The following EYS variants were observed in gnomAD, a reference collection of about 807,000 sequenced individuals.
EYS encodes EGF-like photoreceptor maintenance factor, also known as protein eyes shut homolog.
In EYS, 250 loss-of-function variants were observed where a neutral mutation model predicts 282.1. The observed-to-expected ratio is 0.89, with a 90% CI of 0.80 to 0.98. The LOEUF is 0.98. Ranked by LOEUF, EYS falls within the 50% of genes least tolerant of loss-of-function variation. The pLI, the probability that EYS is intolerant of heterozygous loss-of-function variation, is 0.00. For missense variants in EYS, 4,016 were observed against 3,709.0 expected (o/e 1.08, Z -2.15); for synonymous variants, 1,355 against 1,282.9 (o/e 1.06, Z -1.20).
intron 33 of EYS, among the ~76,000 whole-genome samples, chr6:64,056,888 T>C (rs182470291): frequency 5.9e-5 from 9 of 152,324 alleles, no homozygotes; most frequent in Admixed American, 2.0e-4. Flanking sequence ...TAGGGCTTTG[T>C]CCTGCAATCT....
rs188575531 is a variant in EYS at position 64,376,859 on chromosome 6, A to C, written c.6078+11831T>G. 3.0e-3 allele frequency among the ~76,000 whole-genome samples: 454 copies of C among 152,256 alleles called. 3 individuals are homozygous for C. The highest frequency in any genetic ancestry group is 3.6e-3 in the Non-Finnish European group (245 of 68,010). ...CTTCCTTTCCTATATTTTCTATCTC[A>C]GGATAGGTTTCCTCAGCTACATAAT... On this transcript the variant is annotated intron_variant, in intron 29 of 42. Coordinates refer to ENST00000503581, the MANE Select transcript of EYS (RefSeq NM_001142800.2).
intron 26 of EYS, among the ~76,000 whole-genome samples, chr6:64,528,022 T>C (rs2150529810): frequency 6.6e-6 from 1 of 151,960 alleles, no homozygotes; most frequent in Middle Eastern, 3.4e-3. Flanking sequence ...GATGTAAGTA[T>C]ACATAGACTC....
intron 22 of EYS, chr6:64,733,364 C>A: frequency 5.7e-6 from 1 of 176,520 alleles, no homozygotes. Flanking sequence ...GCAGGGCAGT[C>A]ATACTCACAT....
At chr6:64,962,966 T>A (rs1769974706) in intron 14 of EYS, among the ~76,000 whole-genome samples, 1 of 152,232 alleles carries the variant, frequency 6.6e-6, no homozygotes, top group Non-Finnish European at 1.5e-5. Context: ...GCTTCTGTAT[T>A]ACTGTACTCA....
At chr6:65,315,247 A>G (rs1180491416) in intron 11 of EYS, among the ~76,000 whole-genome samples, 1 of 152,070 alleles carries the variant, frequency 6.6e-6, no homozygotes, top group Non-Finnish European at 1.5e-5. Flanking sequence ...TTTTTCTCTC[A>G]AATACCATGA....
chr6:65,434,717 T>G (rs996507475), intron 5 of EYS, among the ~76,000 whole-genome samples: 3 of 145,480 alleles, frequency 2.1e-5, no homozygotes, highest in Non-Finnish European at 4.4e-5. Flanking sequence ...CTCATCATAC[T>G]TCTTCTCCTG....
chr6:63,876,945 A>T (rs999965325), intron 35 of EYS, among the ~76,000 whole-genome samples: 4 of 152,122 alleles, frequency 2.6e-5, no homozygotes, highest in Non-Finnish European at 5.9e-5. Flanking sequence ...GTGTCTTTTA[A>T]TTGGAGCATT....
intron 26 of EYS, among the ~76,000 whole-genome samples, chr6:64,493,109 G>A (rs1287145478): frequency 6.6e-6 from 1 of 151,138 alleles, no homozygotes; most frequent in Non-Finnish European, 1.5e-5. Context: ...GGAGCATTGA[G>A]GAAAAAAAGT....
chr6:64,133,804 C>T (rs1010472116), intron 31 of EYS, among the ~76,000 whole-genome samples: 5 of 151,976 alleles, frequency 3.3e-5, no homozygotes, highest in African/African-American at 7.2e-5. Flanking sequence ...CTTGCCTTCA[C>T]AAATGGGTTT....
intron 2 of EYS, among the ~76,000 whole-genome samples, chr6:65,515,601 C>G (rs2127294232): frequency 6.6e-6 from 1 of 151,872 alleles, no homozygotes; most frequent in East Asian, 1.9e-4. Flanking sequence ...CCATGGAATA[C>G]CATGCAGCCA....
intron 32 of EYS, among the ~76,000 whole-genome samples, chr6:64,080,138 A>G (rs141368253): frequency 2.4e-4 from 37 of 152,284 alleles, no homozygotes; most frequent in African/African-American, 8.7e-4. Context: ...CTGAGGAATC[A>G]CCACACTGTC....
chr6:64,510,913 C>A (rs933505918), intron 26 of EYS, among the ~76,000 whole-genome samples: 5 of 152,004 alleles, frequency 3.3e-5, no homozygotes, highest in Non-Finnish European at 2.9e-5. Flanking sequence ...TCCCAACAGC[C>A]ACTTGGCTTC....
At chr6:64,946,808 A>T (rs1312780626) in intron 14 of EYS, among the ~76,000 whole-genome samples, 2 of 151,992 alleles carry the variant, frequency 1.3e-5, no homozygotes, top group Admixed American at 6.6e-5. Flanking sequence ...TCTCACTAAA[A>T]TTTTTTATTA....
intron 2 of EYS, among the ~76,000 whole-genome samples, chr6:65,588,473 A>T (rs2127366063): frequency 6.6e-6 from 1 of 152,170 alleles, no homozygotes; most frequent in South Asian, 2.1e-4. Context: ...AGGTCTCAGC[A>T]AATTGGCATC....
intron 7 of EYS, among the ~76,000 whole-genome samples, chr6:65,394,539 G>C (rs1238461954): frequency 6.6e-6 from 1 of 152,060 alleles, no homozygotes; most frequent in East Asian, 1.9e-4. Context: ...ACTGCCTTTG[G>C]AGAAATTTCC....
At chr6:65,595,147 CGAT>C (rs1210373142) in intron 2 of EYS, among the ~76,000 whole-genome samples, 1 of 151,902 alleles carries the variant, frequency 6.6e-6, no homozygotes, top group Non-Finnish European at 1.5e-5. Flanking sequence ...CATAAAAAAA[CGAT>C]GAGTTCATGT....
rs78974863 is a variant in EYS, at chr6:64,743,416, C to T, written c.3443+69962G>A. Among the ~76,000 whole-genome samples the T allele has an allele frequency of 1.3e-3, 200 of 152,150 alleles. 1 individual carries two copies. The highest frequency in any genetic ancestry group is 4.7e-3 in the African/African-American group (195 of 41,528). On this transcript the variant is annotated intron_variant, in intron 22 of 42. Transcript: ENST00000503581. ...TGAAAGTCTATATTTGGCAAACTTC[C>T]ATATAAATTTTATTGGTTATAGAAA...
chr6:65,625,771 A>T (rs57292126), intron 2 of EYS, among the ~76,000 whole-genome samples: 9,894 of 152,252 alleles, frequency 0.065, 1,012 homozygotes, highest in African/African-American at 0.21. Flanking sequence ...TTACAGTGAC[A>T]ATGATTTCCA....
At chr6:63,970,029 G>T (rs950400863) in intron 35 of EYS, among the ~76,000 whole-genome samples, 1 of 152,210 alleles carries the variant, frequency 6.6e-6, no homozygotes. Context: ...CCAGACCCCC[G>T]CTACGAGTGG....
Sources: gnomAD v4.1 joint callset for allele counts (sites outside exome capture counted in the v4.1 genomes callset) on GRCh38, gnomAD v4.1.1 for gene constraint, MANE v1.5 for transcripts, NCBI Gene and HGNC (gene_info 2026-07-23, HGNC 2026-07-21) for gene names.